The following UBR4 variants were observed in gnomAD, a reference collection of about 807,000 sequenced individuals.
UBR4 encodes the protein ubiquitin protein ligase E3 component n-recognin 4, also known as E3 ubiquitin-protein ligase UBR4.
In UBR4, 124 loss-of-function variants were observed where a neutral mutation model predicts 575.6. That is an observed-to-expected ratio of 0.22 (90% CI 0.19 to 0.25). The LOEUF (loss-of-function observed/expected upper bound fraction) is 0.25, where lower values mean the gene tolerates loss of function less well. UBR4 is among the 10% of genes least tolerant of loss of function. The pLI, the probability that UBR4 is intolerant of heterozygous loss-of-function variation, is 1.00. For synonymous variants in UBR4, 2,455 were observed against 2,473.7 expected, an observed-to-expected ratio of 0.99 and a Z score of 0.22; for missense variants, 4,818 against 6,478.8, an observed-to-expected ratio of 0.74 and a Z score of 8.80.
In UBR4 at chr1:19,161,610, G is replaced by A. The variant is rs145082098; in HGVS notation, c.5154C>T (p.Ala1718=). Residue 1718 remains alanine, a synonymous_variant, in exon 37 of 106, where the codon GCC becomes GCT. Transcript: ENST00000375254. The stretch of plus-strand genomic sequence containing the variant: ...TCACCAAACAGCTGCCATCTTCCTT[G>A]GCTCCACAGTCACAGAAGAAGGATC... ...KYGSFFCDCG[A]KEDGSCLALV... 1.3e-5 allele frequency: 21 copies of A among 1,611,746 alleles called. No individual in the cohort carries two copies. The highest frequency in any genetic ancestry group is 1.7e-5 in the Non-Finnish European group (20 of 1,178,886).
rs762365179 is a variant in UBR4 at position 19,112,548 on chromosome 1, C to T, written c.11777G>A (p.Arg3926His). Residue 3926 changes from arginine to histidine, a missense_variant, in exon 78 of 106, where the codon CGC becomes CAC. Arg to His is a conservative substitution (Grantham distance 29). This residue lies in a region of UBR4 where 333 missense variants were observed against 459.2 expected (regional missense o/e 0.73). Transcript: ENST00000375254. ...RGAAAMREEV[R>H]QLMCLLTRDN... is the part of the protein sequence containing the mutation. ...CCGAGTTAGGAGGCACATGAGCTGG[C>T]GGACCTCCTCCCGCATGGCCGCAGC... The T allele has an allele frequency of 1.1e-5, 18 of 1,612,364 alleles. No individual in the cohort carries two copies. Among genetic ancestry groups the T allele is most frequent in the Admixed American group, 1.7e-5 (1 of 59,926 alleles).
At position 19,155,599 on chromosome 1, in the gene UBR4, C is replaced by T. The variant is rs1432613321; in HGVS notation, c.6142G>A (p.Asp2048Asn). Residue 2048 changes from aspartate (D) to asparagine (N), a missense_variant, in exon 43 of 106, where the codon GAT (aspartate) becomes AAT (asparagine). Physicochemically the swap from Asp to Asn is conservative, Grantham distance 23. Coordinates refer to ENST00000375254, the MANE Select transcript of UBR4 (RefSeq NM_020765.3). ...YFLLPSSKIRDVTFLFNEEGK... is the reference protein window; with the variant it reads ...YFLLPSSKIRNVTFLFNEEGK... ...TCCTCATTGAAAAGGAAGGTAACAT[C>T]TCTTATCTTTGAGCTTGGCAGGAGA... The T allele has an allele frequency of 6.2e-7, 1 of 1,614,162 alleles. No individual in the cohort carries two copies. Among genetic ancestry groups the T allele is most frequent in the Non-Finnish European group, 8.5e-7 (1 of 1,180,016 alleles).
At position 19,143,155 on chromosome 1, in the gene UBR4, G is replaced by A. The variant is rs908280264; in HGVS notation, c.8179+825C>T. On this transcript the variant is annotated intron_variant, in intron 55 of 105. Coordinates refer to ENST00000375254, the MANE Select transcript of UBR4 (RefSeq NM_020765.3). ...AAAAGAAAAGAAAAGAAAGAAGGAA[G>A]GGAAAGGAAAGGAAGGAAGGAAGAA... 5.2e-5 allele frequency among the ~76,000 whole-genome samples: 7 copies of A among 133,476 alleles called. No individual in the cohort carries two copies. The South Asian group carries it at 1.2e-3, about 22-fold the overall frequency. 87.6% of individuals were successfully genotyped at this position (133,476 alleles called of 152,430 possible). A position where few individuals can be genotyped will look rare whatever the true frequency, so the allele number is the denominator to read the frequency against.
At chr1:19,119,941 T>C (rs1045995381) in intron 69 of UBR4, among the ~76,000 whole-genome samples, 4 of 152,178 alleles carry the variant, frequency 2.6e-5, no homozygotes, top group Admixed American at 1.3e-4. Context: ...TCAAGCTTGG[T>C]CATGTTACAA....
At chr1:19,101,870 A>G (rs372614276) in intron 87 of UBR4, among the ~76,000 whole-genome samples, 1 of 152,308 alleles carries the variant, frequency 6.6e-6, no homozygotes. Context: ...ACACTTCATC[A>G]TGGTTGGCTG....
In UBR4 at chr1:19,119,577, T is replaced by C; in HGVS notation, c.10435A>G (p.Thr3479Ala). ...VDLLGYFSLK[T>A]PQTEKKLKEY... ...GTTACCTTCTTCTCTGTTTGTGGAG[T>C]TTTCAGGGAGAAATATCCTAGTAGG... is the stretch of plus-strand genomic sequence containing the variant. The change falls in exon 70 of 106, where the codon ACT (threonine) becomes GCT (alanine). Residue 3479 changes from threonine to alanine, a missense_variant. Coordinates refer to ENST00000375254, the MANE Select transcript of UBR4 (RefSeq NM_020765.3). 6.2e-7 allele frequency: 1 copy of C among 1,613,366 alleles called. No individual in the cohort carries two copies. The highest frequency in any genetic ancestry group is 8.5e-7 in the Non-Finnish European group (1 of 1,179,458).
In UBR4 at chr1:19,077,999, C is replaced by T. The variant is rs781223779; in HGVS notation, c.15301G>A (p.Asp5101Asn). ...ACCTTAAACATGTTGTAAATGAGAT[C>T]GACGAGGGCCCAAAAGAGAAGGGAA... is the stretch of plus-strand genomic sequence containing the variant. Reference protein sequence around the residue: ...RSSLLFWALVDLIYNMFKKVP... With the variant: ...RSSLLFWALVNLIYNMFKKVP... The change falls in exon 104 of 106, where the codon GAT (aspartate) becomes AAT (asparagine). Residue 5101 changes from aspartate to asparagine, a missense_variant. Coordinates refer to ENST00000375254, the MANE Select transcript of UBR4 (RefSeq NM_020765.3). The T allele has an allele frequency of 3.0e-5, 49 of 1,613,882 alleles. No individual in the cohort carries two copies. Among genetic ancestry groups the T allele is most frequent in the Non-Finnish European group, 3.7e-5 (44 of 1,179,994 alleles).
intron 37 of UBR4, 125 bp downstream of exon 37, chr1:19,161,464 T>A (rs1296531183): frequency 7.6e-7 from 1 of 1,312,040 alleles, no homozygotes; most frequent in African/African-American, 1.5e-5. Flanking sequence ...AGATCATCGA[T>A]GAGTGAGCTG....
rs1043950498 is a variant in UBR4, at chr1:19,075,921, AT to A, written c.15487+818del. On this transcript the variant is annotated intron_variant, in intron 105 of 105. Coordinates refer to ENST00000375254, the MANE Select transcript of UBR4 (RefSeq NM_020765.3). Reference sequence around the variant, plus strand: ...TGCCATAAAAAAATGAAACAAGATCATAAAAAAGAGCTGGCAGGTTTGGTTA... The same window carrying A: ...TGCCATAAAAAAATGAAACAAGATCAAAAAAAGAGCTGGCAGGTTTGGTTA... 7.8e-4 allele frequency among the ~76,000 whole-genome samples: 119 copies of A among 152,360 alleles called. 1 individual carries two copies. The highest frequency in any genetic ancestry group is 2.5e-3 in the African/African-American group (105 of 41,584).
At chr1:19,206,173 G>T (rs2092996483) in intron 1 of UBR4, among the ~76,000 whole-genome samples, 1 of 152,164 alleles carries the variant, frequency 6.6e-6, no homozygotes, top group Non-Finnish European at 1.5e-5. Flanking sequence ...TTAAAAAAGA[G>T]TTTAAGCTGG....
At chr1:19,103,666 A>C (rs2078890923) in intron 87 of UBR4, among the ~76,000 whole-genome samples, 1 of 152,256 alleles carries the variant, frequency 6.6e-6, no homozygotes, top group African/African-American at 2.4e-5. Flanking sequence ...TGAATTGAAC[A>C]AATTGTCAAA....
chr1:19,187,083 T>TATG (rs2091607622), intron 13 of UBR4, 81 bp downstream of exon 13: 3 of 899,488 alleles, frequency 3.3e-6, no homozygotes, highest in African/African-American at 1.8e-5. Context: ...GTTTTATATA[T>TATG]ATATATATAT....
intron 29 of UBR4, among the ~76,000 whole-genome samples, chr1:19,166,182 G>A (rs1303584168): frequency 6.6e-6 from 1 of 152,216 alleles, no homozygotes; most frequent in Non-Finnish European, 1.5e-5. Context: ...GAAGAGACAG[G>A]AAATTCCAAC....
chr1:19,134,606 A>T (rs1316874479), intron 60 of UBR4, among the ~76,000 whole-genome samples: 1 of 152,218 alleles, frequency 6.6e-6, no homozygotes, highest in Non-Finnish European at 1.5e-5. Context: ...TTCTGAAGGC[A>T]ACTTGACCTT....
chr1:19,170,895 A>G lies in UBR4; in HGVS notation c.3522-12T>C. The G allele has an allele frequency of 1.9e-6, 3 of 1,614,084 alleles. No homozygotes were observed. Among genetic ancestry groups the G allele is most frequent in the Non-Finnish European group, 2.5e-6 (3 of 1,179,998 alleles). ...GCAGCAAATAGGCTCTGGGGAAAAA[A>G]CAGGGGGAAAGTGAAGCCATAAGAT... On this transcript the variant is annotated splice_polypyrimidine_tract_variant and intron_variant, in intron 25 of 105. Transcript: ENST00000375254.
chr1:19,162,488 T>C lies in UBR4; in HGVS notation c.4888A>G (p.Ile1630Val), dbSNP rs1166266980. ...HLSVDGEERAIEVDSDWVEEL... is the reference protein window; with the variant it reads ...HLSVDGEERAVEVDSDWVEEL... Reference sequence around the variant, plus strand: ...TCCACCCAGTCTGAGTCTACTTCAATGGCCCGCTCTTCCCCATCCACTGAG... The same window carrying C: ...TCCACCCAGTCTGAGTCTACTTCAACGGCCCGCTCTTCCCCATCCACTGAG... The change falls in exon 35 of 106, where the codon ATT becomes GTT. Residue 1630 changes from isoleucine (I) to valine (V), a missense_variant. Coordinates refer to ENST00000375254, the MANE Select transcript of UBR4 (RefSeq NM_020765.3). 3 of 1,614,068 alleles carry C rather than the reference T, an allele frequency of 1.9e-6. No individual in the cohort carries two copies. Among genetic ancestry groups the C allele is most frequent in the South Asian group, 1.1e-5 (1 of 91,076 alleles).
chr1:19,167,997 A>C, intron 28 of UBR4, 30 bp downstream of exon 28: 1 of 1,580,224 alleles, frequency 6.3e-7, no homozygotes, highest in Non-Finnish European at 8.6e-7. Flanking sequence ...ACAGACATAG[A>C]GTCCTTGGGG....
intron 87 of UBR4, among the ~76,000 whole-genome samples, chr1:19,103,424 C>T (rs2078859569): frequency 6.6e-6 from 1 of 152,014 alleles, no homozygotes; most frequent in Admixed American, 6.6e-5. Flanking sequence ...ATTAGCTGGG[C>T]GTGGTGGTGC....
Position 19,175,020 on chromosome 1 carries a change from G to A in UBR4, c.2787C>T (p.His929=), listed in dbSNP as rs775571650. 4.3e-6 allele frequency: 7 copies of A among 1,613,700 alleles called. No individual in the cohort carries two copies. The highest frequency in any genetic ancestry group is 4.0e-5 in the African/African-American group (3 of 74,902). Residue 929 remains histidine, a synonymous_variant, in exon 21 of 106, where the codon CAC becomes CAT. Coordinates refer to ENST00000375254, the MANE Select transcript of UBR4 (RefSeq NM_020765.3). ...GGGACAGGACACAGTAGAATCTGGG[G>A]TGTGGGACAGCATCTGAAAAGTAAT... is the stretch of plus-strand genomic sequence containing the variant. ...SKHFSSDAVP[H]PRFYCVLSPE...
Sources: gnomAD v4.1 joint callset for allele counts (sites outside exome capture counted in the v4.1 genomes callset) on GRCh38, gnomAD v4.1.1 for gene constraint, gnomAD v4.1.1 regional missense constraint, MANE v1.5 for transcripts, NCBI Gene and HGNC (gene_info 2026-07-23, HGNC 2026-07-21) for gene names.